The following TTC39B variants were observed in gnomAD, a reference collection of about 807,000 sequenced individuals.
TTC39B encodes tetratricopeptide repeat protein 39B.
TTC39B carries 92 observed loss-of-function variants against 96.6 expected under a neutral mutation model. The ratio of observed to expected loss-of-function variants is 0.95; its 90% CI spans 0.80 to 1.13. TTC39B has a LOEUF of 1.13. Among genes scored for constraint, TTC39B ranks in the 50% most tolerant of loss-of-function variants. TTC39B has a pLI of 0.00. For synonymous variants in TTC39B, 367 were observed against 299.4 expected (o/e 1.23, Z -2.33); for missense variants, 955 against 809.3 (o/e 1.18, Z -2.18).
exon 20 of TTC39B, chr9:15,165,738 A>C (rs1830727): frequency 0.81 from 123,012 of 152,092 alleles, 50,330 homozygotes; most frequent in East Asian, 0.96. Context: ...TGAGAACTCA[A>C]TCACTATCAT....
chr9:15,181,967 T>A lies in TTC39B; in HGVS notation c.1723+340A>T, dbSNP rs72700614. 5.2e-3 allele frequency among the ~76,000 whole-genome samples: 797 copies of A among 152,298 alleles called. 3 individuals are homozygous for A. The highest frequency in any genetic ancestry group is 9.0e-3 in the Admixed American group (138 of 15,304). ...TCCCTCCCCAGAAAGCTATCATAAC[T>A]CCTAACTTCCATACTCCATCCCTAG... is the stretch of plus-strand genomic sequence containing the variant. On this transcript the variant is annotated intron_variant, in intron 17 of 19. Transcript: ENST00000512701.
intron 2 of TTC39B, among the ~76,000 whole-genome samples, chr9:15,255,963 C>G (rs1332397113): frequency 1.3e-5 from 2 of 152,060 alleles, no homozygotes; most frequent in African/African-American, 4.8e-5. Flanking sequence ...ACTGCAAATC[C>G]TAGCAGTCTA....
chr9:15,215,267 G>A (rs79269795), intron 3 of TTC39B, among the ~76,000 whole-genome samples: 3,531 of 151,908 alleles, frequency 0.023, 83 homozygotes, highest in Non-Finnish European at 0.035. Context: ...AATGAGGCTG[G>A]GTGTGGTGGC....
At chr9:15,232,966 C>G (rs1821511928) in intron 2 of TTC39B, among the ~76,000 whole-genome samples, 1 of 152,150 alleles carries the variant, frequency 6.6e-6, no homozygotes, top group Non-Finnish European at 1.5e-5. Context: ...TTTCCCTGAA[C>G]TATAAAAATT....
rs72700661 is a variant in TTC39B at position 15,259,684 on chromosome 9, C to T, written c.275+8230G>A. Among the ~76,000 whole-genome samples, 808 of 152,234 alleles carry T rather than the reference C, an allele frequency of 5.3e-3. 2 individuals carry two copies. The highest frequency in any genetic ancestry group is 7.3e-3 in the Non-Finnish European group (496 of 68,004). On this transcript the variant is annotated intron_variant, in intron 2 of 19. Coordinates refer to ENST00000512701, the Ensembl canonical transcript of TTC39B. ...GATGGTTCAACTTGCAATTTTCCAA[C>T]ATTATGATGGGTTTGTCAGGGTATC...
chr9:15,230,999 AC>A (rs1442201790), intron 2 of TTC39B, among the ~76,000 whole-genome samples: 3,118 of 147,130 alleles, frequency 0.021, 111 homozygotes, highest in African/African-American at 0.074. Context: ...AAAAAAAAAA[AC>A]AAACAAGTTA....
chr9:15,253,456 C>G (rs1822638325), intron 2 of TTC39B, among the ~76,000 whole-genome samples: 1 of 152,192 alleles, frequency 6.6e-6, no homozygotes, highest in Non-Finnish European at 1.5e-5. Flanking sequence ...TAGAGCCTCT[C>G]AAGGGAGCAC....
rs190831435 is a variant in TTC39B at position 15,255,671 on chromosome 9, A to G, written c.275+12243T>C. Among the ~76,000 whole-genome samples, 1,105 of 152,318 alleles carry G rather than the reference A, an allele frequency of 7.3e-3. 11 individuals are homozygous for G. Among genetic ancestry groups the G allele is most frequent in the African/African-American group, 0.025 (1,028 of 41,566 alleles). On this transcript the variant is annotated intron_variant, in intron 2 of 19. Transcript: ENST00000512701. Reference sequence around the variant, plus strand: ...TCACTGTATCCTTTAAGATTCTGACACTCATTTATGCAAACGTCAAGTGAA... The same window carrying G: ...TCACTGTATCCTTTAAGATTCTGACGCTCATTTATGCAAACGTCAAGTGAA...
At position 15,251,704 on chromosome 9, in the gene TTC39B, T is replaced by TAC. The variant is rs1452807763; in HGVS notation, c.275+16209_275+16210insGT. On this transcript the variant is annotated intron_variant, in intron 2 of 19. Coordinates refer to ENST00000512701, the Ensembl canonical transcript of TTC39B. ...ACACACACACACATACATATACATATATATATATATATATATATATATATA... is the reference window on the plus strand; with the variant it reads ...ACACACACACACATACATATACATATACATATATATATATATATATATATATA... 6.7e-3 allele frequency among the ~76,000 whole-genome samples: 250 copies of TAC among 37,236 alleles called. 1 individual carries two copies. The highest frequency in any genetic ancestry group is 8.9e-3 in the Non-Finnish European group (201 of 22,516). The allele number at this position is 37,236 out of a possible 152,430, so 24.4% of individuals were successfully genotyped here.
intron 2 of TTC39B, 68 bp from the exon 3 acceptor site, chr9:15,226,080 C>T: frequency 1.5e-6 from 2 of 1,314,358 alleles, no homozygotes; most frequent in Non-Finnish European, 2.2e-6. Flanking sequence ...TACACCAGTG[C>T]AATTACACAA....
At chr9:15,293,933 G>A (rs925630296) in intron 1 of TTC39B, among the ~76,000 whole-genome samples, 8 of 152,236 alleles carry the variant, frequency 5.3e-5, no homozygotes, top group Admixed American at 2.0e-4. Context: ...TTTTCTGCAC[G>A]TCACTTTCCT....
chr9:15,207,983 CAAA>C (rs531829809), intron 6 of TTC39B, among the ~76,000 whole-genome samples: 2 of 84,580 alleles, frequency 2.4e-5, no homozygotes, highest in Admixed American at 1.4e-4. Flanking sequence ...GACTTGGTCT[CAAA>C]AAAAAAAAAA....
At chr9:15,185,347 G>C (rs760749309) in exon 16 of TTC39B, 2 of 1,613,908 alleles carry the variant, frequency 1.2e-6, no homozygotes, top group Non-Finnish European at 1.7e-6. Flanking sequence ...CTTCCTCACA[G>C]CAAACTTCTC....
At chr9:15,186,210 A>T (rs1818514549) in intron 15 of TTC39B, among the ~76,000 whole-genome samples, 1 of 152,222 alleles carries the variant, frequency 6.6e-6, no homozygotes, top group African/African-American at 2.4e-5. Flanking sequence ...AGCTTATGTT[A>T]GGTTAATTCC....
At chr9:15,198,951 G>A (rs952605271) in intron 8 of TTC39B, among the ~76,000 whole-genome samples, 1 of 152,156 alleles carries the variant, frequency 6.6e-6, no homozygotes, top group African/African-American at 2.4e-5. Context: ...GTTAAATAGA[G>A]ACATTTCAAG....
chr9:15,281,947 A>G (rs12352677), intron 1 of TTC39B, among the ~76,000 whole-genome samples: 28,738 of 152,066 alleles, frequency 0.19, 5,537 homozygotes, highest in African/African-American at 0.5. Context: ...CAAAGTGTTG[A>G]GATTACAGGC....
At chr9:15,238,348 T>C (rs1821882699) in intron 2 of TTC39B, among the ~76,000 whole-genome samples, 1 of 152,116 alleles carries the variant, frequency 6.6e-6, no homozygotes, top group Non-Finnish European at 1.5e-5. Flanking sequence ...GACATAATCA[T>C]ATACCTAGAA....
intron 1 of TTC39B, among the ~76,000 whole-genome samples, chr9:15,290,301 G>A (rs939774021): frequency 2.6e-5 from 4 of 152,092 alleles, no homozygotes; most frequent in African/African-American, 9.7e-5. Context: ...AACTCATCAT[G>A]CCAAAGAGAA....
At chr9:15,305,875 C>T (rs1050996284) in intron 1 of TTC39B, among the ~76,000 whole-genome samples, 1 of 151,894 alleles carries the variant, frequency 6.6e-6, no homozygotes. Flanking sequence ...ACAAACAGAT[C>T]GGGATTCAAA....
Sources: gnomAD v4.1 joint callset for allele counts (sites outside exome capture counted in the v4.1 genomes callset) on GRCh38, gnomAD v4.1.1 for gene constraint, MANE v1.5 for transcripts, NCBI Gene and HGNC (gene_info 2026-07-23, HGNC 2026-07-21) for gene names.